Variants in VSIR observed in about 807,000 individuals in gnomAD.
VSIR encodes V-set immunoregulatory receptor.
A neutral mutation model predicts 31.0 loss-of-function variants in VSIR; 10 were observed. The ratio of observed to expected loss-of-function variants is 0.32; its 90% CI spans 0.20 to 0.55. The LOEUF (loss-of-function observed/expected upper bound fraction) is 0.55. Ranked by LOEUF, VSIR falls within the 20% of genes least tolerant of loss-of-function variation. The pLI is 0.93. For missense variants in VSIR, 356 were observed against 416.2 expected (o/e 0.86, Z 1.26); for synonymous variants, 179 against 180.1 (o/e 0.99, Z 0.05).
intron 2 of VSIR, among the ~76,000 whole-genome samples, chr10:71,761,224 T>C (rs1840375561): frequency 6.6e-6 from 1 of 152,066 alleles, no homozygotes; most frequent in Admixed American, 6.5e-5. Context: ...GCATATATTC[T>C]CCAACAGCCA....
At chr10:71,772,513 G>A (rs575384397) in intron 1 of VSIR, among the ~76,000 whole-genome samples, 13 of 152,332 alleles carry the variant, frequency 8.5e-5, no homozygotes, top group East Asian at 5.8e-4. Context: ...CCCCCAGCCC[G>A]GGAGCCCCTG....
At chr10:71,754,919 G>C (rs1400733707) in intron 4 of VSIR, among the ~76,000 whole-genome samples, 1 of 152,192 alleles carries the variant, frequency 6.6e-6, no homozygotes, top group African/African-American at 2.4e-5. Flanking sequence ...AAAGGGTTGA[G>C]CTAAGTTGTC....
At chr10:71,763,902 C>T (rs958301125) in intron 1 of VSIR, among the ~76,000 whole-genome samples, 5 of 152,274 alleles carry the variant, frequency 3.3e-5, no homozygotes, top group Admixed American at 6.5e-5. Context: ...GTGATCCGAT[C>T]CTGGGGCGCT....
intron 1 of VSIR, among the ~76,000 whole-genome samples, chr10:71,763,292 C>A (rs1298461723): frequency 6.6e-6 from 1 of 152,230 alleles, no homozygotes; most frequent in Non-Finnish European, 1.5e-5. Context: ...ACAAGTGTGA[C>A]CCACTACGCC....
chr10:71,760,138 CAT>C lies in VSIR; in HGVS notation c.568+728_568+729del, dbSNP rs1174161486. On this transcript the variant is annotated intron_variant, in intron 3 of 6. Transcript: ENST00000394957. ...ATATGTGTGTATATATATGTATATA[CAT>C]ATATATGTGTGTATATATATGTATA... Among the ~76,000 whole-genome samples, 48 of 35,428 alleles carry C rather than the reference CAT, an allele frequency of 1.4e-3. 10 individuals carry two copies. Among genetic ancestry groups the C allele is most frequent in the African/African-American group, 5.9e-3 (48 of 8,190 alleles). 23.2% of individuals were successfully genotyped at this position (35,428 alleles called of 152,430 possible). A position where few individuals can be genotyped will look rare whatever the true frequency, so the allele number is the denominator to read the frequency against.
At chr10:71,763,081 T>A (rs1390127064) in intron 1 of VSIR, among the ~76,000 whole-genome samples, 2 of 152,256 alleles carry the variant, frequency 1.3e-5, no homozygotes, top group African/African-American at 4.8e-5. Flanking sequence ...AAGGACTAGA[T>A]GAGGGAAAGA....
At position 71,773,502 on chromosome 10, in the gene VSIR, G is replaced by C. The variant is rs985292816; in HGVS notation, c.-63C>G. On this transcript the variant is annotated 5_prime_UTR_variant, in exon 1 of 7. Coordinates refer to ENST00000394957, the MANE Select transcript of VSIR (RefSeq NM_022153.2). Reference sequence around the variant, plus strand: ...GGAGCGGGCGGGACGCGGCCGGCGCGGGGAAGCCTCCCGCGACTGAGTGCG... The same window carrying C: ...GGAGCGGGCGGGACGCGGCCGGCGCCGGGAAGCCTCCCGCGACTGAGTGCG... 20 of 1,496,684 alleles carry C rather than the reference G, an allele frequency of 1.3e-5. No homozygotes were observed. The highest frequency in any genetic ancestry group is 1.8e-5 in the Non-Finnish European group (20 of 1,100,008). 92.7% of individuals were successfully genotyped at this position (1,496,684 alleles called of 1,614,324 possible).
At chr10:71,754,005 C>T (rs1005424707) in intron 4 of VSIR, among the ~76,000 whole-genome samples, 14 of 152,206 alleles carry the variant, frequency 9.2e-5, no homozygotes, top group Admixed American at 7.9e-4. Context: ...GATGGAAATC[C>T]ACACCTGTTG....
intron 4 of VSIR, 33 bp from the exon 5 acceptor site, chr10:71,753,035 G>C: frequency 6.2e-7 from 1 of 1,608,494 alleles, no homozygotes; most frequent in Non-Finnish European, 8.5e-7. Context: ...GCTGGTCATG[G>C]AAGGGAAGGC....
At position 71,767,545 on chromosome 10, in the gene VSIR, C is replaced by T. The variant is rs1161102211; in HGVS notation, c.83-5519G>A. On this transcript the variant is annotated intron_variant, in intron 1 of 6. Transcript: ENST00000394957. ...GTTCCAGCTCCCCGCCAGGCCCCAT[C>T]CCCCAGGATGGTCCACAGGCTGGGG... 2.6e-5 allele frequency among the ~76,000 whole-genome samples: 4 copies of T among 152,226 alleles called. No homozygotes were observed. The East Asian group carries it at 7.7e-4, about 29-fold the overall frequency.
chr10:71,769,706 C>T (rs1356137564), intron 1 of VSIR, among the ~76,000 whole-genome samples: 1 of 152,122 alleles, frequency 6.6e-6, no homozygotes, highest in African/African-American at 2.4e-5. Flanking sequence ...CAGGGTTTGA[C>T]CCCAGGTCCC....
intron 3 of VSIR, among the ~76,000 whole-genome samples, chr10:71,758,976 T>A (rs1362113126): frequency 6.6e-6 from 1 of 151,848 alleles, no homozygotes; most frequent in African/African-American, 2.4e-5. Flanking sequence ...TTCAAGCAGC[T>A]CTCATGTCTC....
intron 1 of VSIR, among the ~76,000 whole-genome samples, chr10:71,764,729 T>C (rs928801087): frequency 6.6e-6 from 1 of 152,194 alleles, no homozygotes; most frequent in Non-Finnish European, 1.5e-5. Flanking sequence ...CTTGGTCCTG[T>C]GGACATTTGA....
At position 71,751,561 on chromosome 10, in the gene VSIR, A is replaced by G; in HGVS notation, c.898+107T>C. ...CCCTCACCCTCAACCCCACCCCGTGAGGCCGTGGAACTCTTCAGGGAGGGC... is the reference window on the plus strand; with the variant it reads ...CCCTCACCCTCAACCCCACCCCGTGGGGCCGTGGAACTCTTCAGGGAGGGC... On this transcript the variant is annotated intron_variant, in intron 6 of 6. Transcript: ENST00000394957. This position sits in a 1 kb window ranked among gnomAD's most constrained non-coding sequence, Gnocchi z 4.9. 7.9e-7 allele frequency: 1 copy of G among 1,265,980 alleles called. No homozygotes were observed. Among genetic ancestry groups the G allele is most frequent in the East Asian group, 2.5e-5 (1 of 39,224 alleles). 78.4% of individuals were successfully genotyped at this position (1,265,980 alleles called of 1,614,324 possible).
At chr10:71,765,709 C>T (rs1242401740) in intron 1 of VSIR, among the ~76,000 whole-genome samples, 1 of 152,090 alleles carries the variant, frequency 6.6e-6, no homozygotes, top group African/African-American at 2.4e-5. Flanking sequence ...ATTGCTCAAT[C>T]CCCCACACCT....
intron 1 of VSIR, among the ~76,000 whole-genome samples, chr10:71,763,312 G>T (rs1468121700): frequency 6.6e-6 from 1 of 152,216 alleles, no homozygotes; most frequent in East Asian, 1.9e-4. Flanking sequence ...CCGGCCAGTG[G>T]TATTTTTATT....
intron 3 of VSIR, among the ~76,000 whole-genome samples, chr10:71,759,946 C>T (rs200867080): frequency 1.5e-4 from 14 of 93,176 alleles, no homozygotes; most frequent in African/African-American, 4.4e-4. Flanking sequence ...TACACACACA[C>T]ATATATATAC....
intron 1 of VSIR, among the ~76,000 whole-genome samples, chr10:71,763,620 T>TA (rs1840453994): frequency 6.6e-6 from 1 of 152,240 alleles, no homozygotes; most frequent in South Asian, 2.1e-4. Flanking sequence ...GTGAGCCACT[T>TA]AGACGCTGAG....
At chr10:71,765,752 C>T (rs1840525022) in intron 1 of VSIR, among the ~76,000 whole-genome samples, 1 of 152,076 alleles carries the variant, frequency 6.6e-6, no homozygotes, top group Non-Finnish European at 1.5e-5. Flanking sequence ...ACCCATCCCA[C>T]AGGTCCCAAA....
Sources: gnomAD v4.1 joint callset for allele counts (sites outside exome capture counted in the v4.1 genomes callset) on GRCh38, gnomAD v4.1.1 for gene constraint, Gnocchi (gnomAD v3.1) non-coding constraint, MANE v1.5 for transcripts, NCBI Gene and HGNC (gene_info 2026-07-23, HGNC 2026-07-21) for gene names.